Variants in FHIP1A observed in about 807,000 individuals in gnomAD.
FHIP1A encodes the protein FHF complex subunit HOOK interacting protein 1A.
In FHIP1A, 61 loss-of-function variants were observed where a neutral mutation model predicts 88.6. The ratio of observed to expected loss-of-function variants is 0.69; its 90% CI spans 0.56 to 0.85. The LOEUF is 0.85. FHIP1A is among the 40% of genes least tolerant of loss of function. FHIP1A has a pLI of 0.00. For synonymous variants in FHIP1A, 478 were observed against 496.0 expected, an observed-to-expected ratio of 0.96 and a Z score of 0.48; for missense variants, 1,154 against 1,273.5, an observed-to-expected ratio of 0.91 and a Z score of 1.43.
intron 8 of FHIP1A, among the ~76,000 whole-genome samples, chr4:151,638,315 T>TTGTGTGTGTGTGTGTGTGTGTGTGTGTG (rs146664249): frequency 4.2e-5 from 6 of 143,732 alleles, no homozygotes; most frequent in Non-Finnish European, 7.7e-5. Flanking sequence ...AAATAGGAGA[T>TTGTGTGTGTGTGTGTGTGTGTGTGTGTG]TGTGTGTGTG....
intron 7 of FHIP1A, among the ~76,000 whole-genome samples, chr4:151,626,407 G>A (rs1735953204): frequency 6.6e-6 from 1 of 152,222 alleles, no homozygotes; most frequent in Non-Finnish European, 1.5e-5. Context: ...ACGGGACTCA[G>A]TAGCAGTAAA....
chr4:151,658,955 T>C (rs993872940), intron 13 of FHIP1A, among the ~76,000 whole-genome samples: 6 of 152,142 alleles, frequency 3.9e-5, no homozygotes, highest in African/African-American at 1.2e-4. Flanking sequence ...AACCTAGATA[T>C]ACTGAGGTGC....
At chr4:151,559,145 C>G in intron 3 of FHIP1A, among the ~76,000 whole-genome samples, 1 of 152,094 alleles carries the variant, frequency 6.6e-6, no homozygotes, top group Non-Finnish European at 1.5e-5. Flanking sequence ...TTAAGCTACT[C>G]TTTTATCCCT....
chr4:151,419,337 T>C (rs567820370), intron 1 of FHIP1A, among the ~76,000 whole-genome samples: 38 of 152,314 alleles, frequency 2.5e-4, no homozygotes, highest in Admixed American at 2.5e-3. Context: ...CTATAACTTA[T>C]GTTATTGTCT....
chr4:151,622,971 T>G (rs1035302992), intron 7 of FHIP1A, among the ~76,000 whole-genome samples: 3 of 152,196 alleles, frequency 2.0e-5, no homozygotes, highest in African/African-American at 7.2e-5. Context: ...GTACAAGTTA[T>G]GCACACATAG....
At chr4:151,603,352 A>G (rs1352036686) in intron 7 of FHIP1A, among the ~76,000 whole-genome samples, 1 of 151,470 alleles carries the variant, frequency 6.6e-6, no homozygotes, top group Non-Finnish European at 1.5e-5. Context: ...TCGCTTTATT[A>G]ACAACCCCTG....
intron 2 of FHIP1A, among the ~76,000 whole-genome samples, chr4:151,471,102 A>G (rs1259924284): frequency 6.6e-6 from 1 of 152,130 alleles, no homozygotes; most frequent in Non-Finnish European, 1.5e-5. Flanking sequence ...ATGAGGGACA[A>G]GTGCTTGGTT....
chr4:151,571,979 G>A (rs1275762613), intron 4 of FHIP1A, among the ~76,000 whole-genome samples: 4 of 152,154 alleles, frequency 2.6e-5, no homozygotes, highest in Non-Finnish European at 5.9e-5. Context: ...AAGCCGAGGT[G>A]GGCGGATCAC....
At chr4:151,553,767 G>A (rs140307607) in intron 3 of FHIP1A, among the ~76,000 whole-genome samples, 423 of 152,264 alleles carry the variant, frequency 2.8e-3, no homozygotes, top group Non-Finnish European at 5.1e-3. Context: ...CTCTCTGAAA[G>A]TTGGATATGT....
At chr4:151,571,682 A>G (rs762750759) in intron 4 of FHIP1A, among the ~76,000 whole-genome samples, 1 of 152,180 alleles carries the variant, frequency 6.6e-6, no homozygotes, top group Non-Finnish European at 1.5e-5. Flanking sequence ...ATGACAGAGA[A>G]AAATTAAGTA....
intron 3 of FHIP1A, among the ~76,000 whole-genome samples, chr4:151,546,341 C>T (rs548183993): frequency 6.6e-6 from 1 of 152,260 alleles, no homozygotes; most frequent in South Asian, 2.1e-4. Flanking sequence ...CTGAGGCTTT[C>T]GGACTTGGAC....
At position 151,646,350 on chromosome 4, in the gene FHIP1A, G is replaced by A. The variant is rs564873987; in HGVS notation, c.1227-208G>A. On this transcript the variant is annotated intron_variant, in intron 9 of 13. Transcript: ENST00000435205. Reference sequence around the variant, plus strand: ...AAGTTCCTGGAGATTGAATTATAAAGACCATTAAGTGCTTTGCAAAGAGGT... The same window carrying A: ...AAGTTCCTGGAGATTGAATTATAAAAACCATTAAGTGCTTTGCAAAGAGGT... 4.7e-4 allele frequency among the ~76,000 whole-genome samples: 72 copies of A among 152,310 alleles called. 1 individual carries two copies. The highest frequency in any genetic ancestry group is 1.7e-3 in the African/African-American group (70 of 41,570).
At chr4:151,453,367 A>G (rs1436582500) in intron 1 of FHIP1A, among the ~76,000 whole-genome samples, 1 of 152,128 alleles carries the variant, frequency 6.6e-6, no homozygotes, top group Non-Finnish European at 1.5e-5. Flanking sequence ...TTTCCATACC[A>G]TTAAATATTC....
chr4:151,440,355 T>G (rs1320209520), intron 1 of FHIP1A, among the ~76,000 whole-genome samples: 1 of 152,152 alleles, frequency 6.6e-6, no homozygotes, highest in Non-Finnish European at 1.5e-5. Context: ...TCTTTTTTGT[T>G]CAGGTGCCTG....
At chr4:151,482,779 T>C (rs957863378) in intron 3 of FHIP1A, 131 bp downstream of exon 3, 1 of 152,092 alleles carries the variant, frequency 6.6e-6, no homozygotes, top group Non-Finnish European at 1.5e-5. Context: ...GTTTAAAATG[T>C]CTTAGGGAGA....
intron 7 of FHIP1A, among the ~76,000 whole-genome samples, chr4:151,597,037 A>T (rs1734674358): frequency 6.6e-6 from 1 of 152,060 alleles, no homozygotes; most frequent in Admixed American, 6.6e-5. Context: ...CAATTTGTCA[A>T]ACTCATTCTC....
intron 1 of FHIP1A, among the ~76,000 whole-genome samples, chr4:151,448,942 G>T (rs916470923): frequency 6.6e-6 from 1 of 152,146 alleles, no homozygotes; most frequent in African/African-American, 2.4e-5. Context: ...AGGAGTTCCA[G>T]TTTCTTGGTT....
intron 3 of FHIP1A, among the ~76,000 whole-genome samples, chr4:151,514,548 G>C (rs1731156256): frequency 6.6e-6 from 1 of 151,836 alleles, no homozygotes; most frequent in African/African-American, 2.4e-5. Context: ...AAAATTGATA[G>C]ACCGCTAGCA....
At chr4:151,455,511 C>G (rs1468016983) in intron 2 of FHIP1A, among the ~76,000 whole-genome samples, 2 of 152,160 alleles carry the variant, frequency 1.3e-5, no homozygotes, top group African/African-American at 4.8e-5. Flanking sequence ...GCATGCCTTT[C>G]CAAAGGAACC....
Sources: allele counts gnomAD v4.1 joint callset (sites outside exome capture counted in the v4.1 genomes callset), GRCh38; gene constraint gnomAD v4.1.1; transcripts MANE v1.5; gene names NCBI Gene and HGNC (gene_info 2026-07-23, HGNC 2026-07-21).